The following MAP4K4 variants were observed in gnomAD, a reference collection of about 807,000 sequenced individuals.
The protein encoded by MAP4K4 is HPK/GCK-like kinase HGK.
In MAP4K4, 38 loss-of-function variants were observed where a neutral mutation model predicts 189.6. That is an observed-to-expected ratio of 0.20 (90% CI 0.15 to 0.26). The LOEUF is 0.26. Ranked by LOEUF, MAP4K4 falls within the 10% of genes least tolerant of loss-of-function variation. MAP4K4 has a pLI of 1.00. For missense variants in MAP4K4, 1,054 were observed against 1,726.9 expected, an observed-to-expected ratio of 0.61 and a Z score of 6.91; for synonymous variants, 610 against 624.3, an observed-to-expected ratio of 0.98 and a Z score of 0.34.
rs189806245 is a variant in MAP4K4, at chr2:101,751,431, A to G, written c.124-39289A>G. Among the ~76,000 whole-genome samples the G allele has an allele frequency of 2.6e-4, 40 of 152,318 alleles. No individual in the cohort carries two copies. In the East Asian group the frequency reaches 5.6e-3, roughly 21 times the overall value. On this transcript the variant is annotated intron_variant, in intron 2 of 32. Transcript: ENST00000324219. ...GTCCCAGCTTGTGGTTGGGAACACA[A>G]TAGCTTAACCCCTGGAGTCTCAATG... is the stretch of plus-strand genomic sequence containing the variant.
chr2:101,873,982 G>A (rs2098127496), intron 25 of MAP4K4, 100 bp from the exon 26 acceptor site: 3 of 1,049,488 alleles, frequency 2.9e-6, no homozygotes, highest in South Asian at 1.6e-5. Flanking sequence ...ACAAAGTGTT[G>A]GTTATACCAC....
In MAP4K4 at chr2:101,871,475, G is replaced by T. The variant is rs1250032678; in HGVS notation, c.2761-19G>T. The T allele has an allele frequency of 5.9e-6, 9 of 1,521,986 alleles. No individual in the cohort carries two copies. Among genetic ancestry groups the T allele is most frequent in the Non-Finnish European group, 1.8e-6 (2 of 1,136,900 alleles). 94.3% of individuals were successfully genotyped at this position (1,521,986 alleles called of 1,614,324 possible). On this transcript the variant is annotated intron_variant, in intron 23 of 32. Transcript: ENST00000324219. The stretch of plus-strand genomic sequence containing the variant: ...TTAGCAGCGCTTGAGCGAGACAAGT[G>T]TGCCTGTTTTTTCTACAGAGTACAG...
At chr2:101,798,384 A>G (rs539161424) in intron 3 of MAP4K4, among the ~76,000 whole-genome samples, 1 of 152,352 alleles carries the variant, frequency 6.6e-6, no homozygotes, top group African/African-American at 2.4e-5. Context: ...ATAAAAATAC[A>G]AAATACGAAA....
At chr2:101,852,840 CAG>C (rs562081987) in intron 12 of MAP4K4, among the ~76,000 whole-genome samples, 14 of 152,134 alleles carry the variant, frequency 9.2e-5, no homozygotes, top group South Asian at 6.2e-4. Context: ...ACAACAGAGA[CAG>C]GGGAAAAAAC....
chr2:101,731,393 G>T (rs1358399437), intron 2 of MAP4K4, among the ~76,000 whole-genome samples: 1 of 151,954 alleles, frequency 6.6e-6, no homozygotes, highest in Non-Finnish European at 1.5e-5. Flanking sequence ...TGGGATTACA[G>T]GTGTGAGCCA....
rs2149463045 is a variant in MAP4K4, at chr2:101,834,537, C to T, written c.694+74C>T. The T allele has an allele frequency of 1.7e-5, 19 of 1,149,846 alleles. 1 individual carries two copies. The South Asian group carries it at 2.5e-4, about 15-fold the overall frequency. 71.2% of individuals were successfully genotyped at this position (1,149,846 alleles called of 1,614,324 possible). A position where few individuals can be genotyped will look rare whatever the true frequency, so the allele number is the denominator to read the frequency against. On this transcript the variant is annotated intron_variant, in intron 8 of 32. Transcript: ENST00000324219. ...ACCCCTCCCAAGACTTCAAAAAGAA[C>T]AGCTCAGCTCCATGGATAAAGGCAT...
At chr2:101,745,447 A>AAAAG (rs2064981170) in intron 2 of MAP4K4, among the ~76,000 whole-genome samples, 1 of 137,654 alleles carries the variant, frequency 7.3e-6, no homozygotes, top group African/African-American at 2.5e-5. Flanking sequence ...GTAAAAAAAA[A>AAAAG]AAAAAAAAAA....
chr2:101,777,892 C>G (rs145544923), intron 2 of MAP4K4, among the ~76,000 whole-genome samples: 1 of 152,182 alleles, frequency 6.6e-6, no homozygotes, highest in Non-Finnish European at 1.5e-5. Flanking sequence ...GAGACTTGTT[C>G]AGGTTCTTCA....
At chr2:101,814,687 A>G (rs1258988000) in intron 3 of MAP4K4, among the ~76,000 whole-genome samples, 3 of 152,198 alleles carry the variant, frequency 2.0e-5, no homozygotes, top group Non-Finnish European at 4.4e-5. Context: ...GTTTAATATC[A>G]TGACATTTGA....
intron 2 of MAP4K4, among the ~76,000 whole-genome samples, chr2:101,701,350 A>C (rs1231353745): frequency 6.6e-6 from 1 of 152,166 alleles, no homozygotes; most frequent in Non-Finnish European, 1.5e-5. Flanking sequence ...TTATGGAAGA[A>C]AGGGAGGGGG....
chr2:101,848,241 T>TA (rs756743085), intron 12 of MAP4K4, among the ~76,000 whole-genome samples: 7 of 152,192 alleles, frequency 4.6e-5, no homozygotes, highest in Non-Finnish European at 8.8e-5. Flanking sequence ...GCCATGCAAA[T>TA]ACCTGTTACA....
chr2:101,807,519 A>T (rs183316636), intron 3 of MAP4K4, among the ~76,000 whole-genome samples: 154 of 152,308 alleles, frequency 1.0e-3, no homozygotes, highest in African/African-American at 3.6e-3. Context: ...ATTAGTTCCT[A>T]GACTGATGGT....
intron 2 of MAP4K4, among the ~76,000 whole-genome samples, chr2:101,765,435 C>T (rs1048663025): frequency 6.6e-6 from 1 of 152,106 alleles, no homozygotes; most frequent in African/African-American, 2.4e-5. Flanking sequence ...GCTCAGGTGA[C>T]CCCCTTGCCT....
intron 3 of MAP4K4, among the ~76,000 whole-genome samples, chr2:101,820,793 G>A (rs559915731): frequency 3.6e-4 from 55 of 152,176 alleles, no homozygotes; most frequent in Non-Finnish European, 7.2e-4. Context: ...GAGTTGTGGT[G>A]AGTCAGGAGG....
At chr2:101,860,884 A>G in exon 16 of MAP4K4, 1 of 1,609,312 alleles carries the variant, frequency 6.2e-7, no homozygotes, top group South Asian at 1.1e-5. Flanking sequence ...CTAAGCAGAC[A>G]GGCAGAGTAT....
chr2:101,758,127 GT>G (rs2073862558), intron 2 of MAP4K4, among the ~76,000 whole-genome samples: 1 of 152,188 alleles, frequency 6.6e-6, no homozygotes, highest in Non-Finnish European at 1.5e-5. Flanking sequence ...TTAGACTGTG[GT>G]TGACTGTGCA....
intron 2 of MAP4K4, among the ~76,000 whole-genome samples, chr2:101,776,073 G>T (rs1485372898): frequency 3.3e-5 from 5 of 152,208 alleles, no homozygotes. Flanking sequence ...GGTCCATATA[G>T]ACTGGAGCCT....
intron 3 of MAP4K4, among the ~76,000 whole-genome samples, chr2:101,793,843 G>A (rs899958415): frequency 2.6e-5 from 4 of 152,128 alleles, no homozygotes; most frequent in African/African-American, 7.2e-5. Context: ...ATGCAAAGAT[G>A]TGGGCCCACT....
At chr2:101,847,305 A>G (rs2097140518) in intron 12 of MAP4K4, among the ~76,000 whole-genome samples, 1 of 152,198 alleles carries the variant, frequency 6.6e-6, no homozygotes, top group Non-Finnish European at 1.5e-5. Context: ...CTTTTTAATC[A>G]TTATTTTAGA....
Sources: gnomAD v4.1 joint callset for allele counts (sites outside exome capture counted in the v4.1 genomes callset) on GRCh38, gnomAD v4.1.1 for gene constraint, MANE v1.5 for transcripts, NCBI Gene and HGNC (gene_info 2026-07-23, HGNC 2026-07-21) for gene names.